ADAM10: variants seen among roughly 807,000 people sequenced by gnomAD.
The protein encoded by ADAM10 is ADAM metallopeptidase domain 10.
In ADAM10, 17 loss-of-function variants were observed where a neutral mutation model predicts 90.1. That is an observed-to-expected ratio of 0.19 (90% confidence interval 0.13 to 0.28). The LOEUF is 0.28. ADAM10 is among the 10% of genes least tolerant of loss of function. The pLI, the probability that ADAM10 is intolerant of heterozygous loss-of-function variation, is 1.00. For synonymous variants in ADAM10, 310 were observed against 298.6 expected (o/e 1.04, Z -0.40); for missense variants, 610 against 914.3 (o/e 0.67, Z 4.29).
intron 7 of ADAM10, among the ~76,000 whole-genome samples, chr15:58,641,396 G>C (rs1433570122): frequency 1.3e-5 from 2 of 152,110 alleles, no homozygotes; most frequent in Non-Finnish European, 2.9e-5. Context: ...CTAATTACTA[G>C]AATATAAAAT....
rs138707472 is a variant in ADAM10, at chr15:58,708,205, T to C, written c.206+9372A>G. ...AATAACAATCACCTAAATTTACTAA[T>C]TTAACAAACTGATGAAGTGGACTTG... is the stretch of plus-strand genomic sequence containing the variant. On this transcript the variant is annotated intron_variant, in intron 2 of 15. Coordinates refer to ENST00000260408, the MANE Select transcript of ADAM10 (RefSeq NM_001110.4). Among the ~76,000 whole-genome samples the C allele has an allele frequency of 4.8e-3, 725 of 152,326 alleles. 13 individuals carry two copies. The highest frequency in any genetic ancestry group is 0.028 in the East Asian group (145 of 5,190).
At chr15:58,723,660 A>G (rs1417047833) in intron 1 of ADAM10, among the ~76,000 whole-genome samples, 1 of 152,072 alleles carries the variant, frequency 6.6e-6, no homozygotes, top group Admixed American at 6.6e-5. Context: ...AGCCAAGGTC[A>G]CGCCACTGCT....
At chr15:58,676,382 C>T (rs1364402194) in intron 4 of ADAM10, 5 of 449,330 alleles carry the variant, frequency 1.1e-5, no homozygotes, top group African/African-American at 1.0e-4. Flanking sequence ...TTTTTATACA[C>T]TGTCAGGTAT....
intron 5 of ADAM10, among the ~76,000 whole-genome samples, chr15:58,663,130 C>T (rs1045534506): frequency 1.3e-5 from 2 of 152,194 alleles, no homozygotes; most frequent in African/African-American, 4.8e-5. Flanking sequence ...TCTATCACAG[C>T]TTGAAAGGGA....
rs1898664233 is a variant in ADAM10, at chr15:58,716,538, A to G, written c.206+1039T>C. On this transcript the variant is annotated intron_variant, in intron 2 of 15. Coordinates refer to ENST00000260408, the MANE Select transcript of ADAM10 (RefSeq NM_001110.4). ...TAGAAGATCATTCTGGGTGAAATAC[A>G]CACTTGATGCTGGCAAGTAAAACAA... Among the ~76,000 whole-genome samples, 3 of 152,262 alleles carry G rather than the reference A, an allele frequency of 2.0e-5. No individual in the cohort carries two copies. The South Asian group carries it at 6.2e-4, about 31-fold the overall frequency.
intron 1 of ADAM10, among the ~76,000 whole-genome samples, chr15:58,735,502 G>C (rs1327199540): frequency 1.3e-5 from 2 of 151,912 alleles, no homozygotes; most frequent in African/African-American, 4.8e-5. Flanking sequence ...AAAATGACGC[G>C]GTATTTGCAT....
At position 58,620,923 on chromosome 15, in the gene ADAM10, C is replaced by T. The variant is rs1038389523; in HGVS notation, c.1511+548G>A. Among the ~76,000 whole-genome samples the T allele has an allele frequency of 7.9e-4, 33 of 41,536 alleles. 11 individuals are homozygous for T. Among genetic ancestry groups the T allele is most frequent in the African/African-American group, 1.5e-3 (4 of 2,720 alleles). 27.2% of individuals were successfully genotyped at this position (41,536 alleles called of 152,430 possible). A position where few individuals can be genotyped will look rare whatever the true frequency, so the allele number is the denominator to read the frequency against. On this transcript the variant is annotated intron_variant, in intron 11 of 15. Transcript: ENST00000260408. ...GACCTCATGATCCACCCGCCTCGGC[C>T]TCCCAAAGTGCTGGGATTACAGGCG...
chr15:58,709,757 T>TA (rs1372710122), intron 2 of ADAM10, among the ~76,000 whole-genome samples: 2 of 151,756 alleles, frequency 1.3e-5, no homozygotes, highest in African/African-American at 2.4e-5. Context: ...AAATAAAAAA[T>TA]AAAAAATACA....
intron 10 of ADAM10, among the ~76,000 whole-genome samples, chr15:58,627,298 G>C (rs575703294): frequency 2.6e-5 from 4 of 152,134 alleles, no homozygotes; most frequent in African/African-American, 9.7e-5. Flanking sequence ...GGTGATAAAA[G>C]AAAGTTCCGG....
intron 4 of ADAM10, among the ~76,000 whole-genome samples, chr15:58,671,577 T>C (rs1010112747): frequency 8.5e-5 from 13 of 152,206 alleles, no homozygotes; most frequent in African/African-American, 2.9e-4. Context: ...TCATCACTTA[T>C]AAGAGTTGAG....
chr15:58,749,092 G>A (rs1333586413), intron 1 of ADAM10: 5 of 398,334 alleles, frequency 1.3e-5, no homozygotes, highest in East Asian at 3.6e-5. Context: ...GAGACCGCCA[G>A]CCTCGCTGCG....
intron 9 of ADAM10, among the ~76,000 whole-genome samples, chr15:58,630,445 A>G (rs1219307819): frequency 6.6e-6 from 1 of 152,208 alleles, no homozygotes; most frequent in African/African-American, 2.4e-5. Flanking sequence ...AAACATTAAG[A>G]TAAGGAAATT....
chr15:58,631,052 G>C (rs1896086546), intron 9 of ADAM10, among the ~76,000 whole-genome samples: 1 of 151,892 alleles, frequency 6.6e-6, no homozygotes, highest in Non-Finnish European at 1.5e-5. Context: ...CTCTCTCCTT[G>C]ACCCCACGCT....
chr15:58,709,184 T>C (rs1898395498), intron 2 of ADAM10, among the ~76,000 whole-genome samples: 1 of 152,154 alleles, frequency 6.6e-6, no homozygotes, highest in Admixed American at 6.5e-5. Flanking sequence ...AAATCCTTGC[T>C]GCACCTTTAA....
intron 5 of ADAM10, among the ~76,000 whole-genome samples, chr15:58,655,696 G>GTGTGTGTATA (rs1896796069): frequency 1.5e-5 from 1 of 68,260 alleles, no homozygotes; most frequent in Non-Finnish European, 2.4e-5. Context: ...ATTATATATA[G>GTGTGTGTATA]TATATATATA....
chr15:58,694,955 A>T (rs1897934870), intron 2 of ADAM10, among the ~76,000 whole-genome samples: 1 of 152,190 alleles, frequency 6.6e-6, no homozygotes, highest in South Asian at 2.1e-4. Context: ...CTTTATCTTG[A>T]TTTCAATGGC....
intron 8 of ADAM10, among the ~76,000 whole-genome samples, chr15:58,638,805 A>C (rs905374092): frequency 6.6e-5 from 10 of 152,122 alleles, no homozygotes; most frequent in African/African-American, 2.4e-4. Flanking sequence ...CATCAGACAG[A>C]TTCCAAATAG....
intron 1 of ADAM10, among the ~76,000 whole-genome samples, chr15:58,728,078 T>C (rs1247429638): frequency 5.3e-5 from 8 of 152,220 alleles, no homozygotes; most frequent in Admixed American, 2.0e-4. Flanking sequence ...GTCACAAAGA[T>C]AGACCTTAAT....
intron 1 of ADAM10, among the ~76,000 whole-genome samples, chr15:58,731,939 T>C (rs761590534): frequency 6.6e-6 from 1 of 152,202 alleles, no homozygotes; most frequent in Non-Finnish European, 1.5e-5. Flanking sequence ...TCTGGTTCAC[T>C]GTAACCTAGA....
Sources: allele counts gnomAD v4.1 joint callset (sites outside exome capture counted in the v4.1 genomes callset), GRCh38; gene constraint gnomAD v4.1.1; transcripts MANE v1.5; gene names NCBI Gene and HGNC (gene_info 2026-07-23, HGNC 2026-07-21).